Variants in C6orf118 observed in about 807,000 individuals in gnomAD.
C6orf118 encodes the protein uncharacterized protein C6orf118.
A neutral mutation model predicts 50.2 loss-of-function variants in C6orf118; 50 were observed. The ratio of observed to expected loss-of-function variants is 1.00; its 90% CI spans 0.79 to 1.26. C6orf118 has a LOEUF of 1.26. C6orf118 is among the 50% of genes most tolerant of loss of function. C6orf118 has a pLI of 0.00. For synonymous variants in C6orf118, 239 were observed against 230.9 expected (o/e 1.03, Z -0.32); for missense variants, 641 against 578.7 (o/e 1.11, Z -1.10).
chr6:165,292,948 T>A (rs1483846565), intron 6 of C6orf118, among the ~76,000 whole-genome samples: 1 of 152,152 alleles, frequency 6.6e-6, no homozygotes, highest in Non-Finnish European at 1.5e-5. Flanking sequence ...AGAAAAAGTA[T>A]CTAAAAACAG....
At chr6:165,299,913 A>G (rs972640527) in intron 3 of C6orf118, among the ~76,000 whole-genome samples, 5 of 152,102 alleles carry the variant, frequency 3.3e-5, no homozygotes, top group Admixed American at 6.6e-5. Context: ...TGAACTCCTG[A>G]CCTAAAGTGA....
chr6:165,302,498 G>T (rs1490976113), intron 1 of C6orf118, among the ~76,000 whole-genome samples: 1 of 152,076 alleles, frequency 6.6e-6, no homozygotes, highest in Non-Finnish European at 1.5e-5. Context: ...AGGCGCCCAG[G>T]CCCCCAGGAT....
chr6:165,301,954 G>T lies in C6orf118; in HGVS notation c.368C>A (p.Ala123Asp), dbSNP rs145866024. The T allele has an allele frequency of 1.2e-6, 2 of 1,613,692 alleles. No homozygotes were observed. ...TIHTALVPSE[A>D]QDTPLFRYLN... The stretch of plus-strand genomic sequence containing the variant: ...GTACCTGAACAGCGGGGTGTCCTGG[G>T]CCTCACTGGGGACCAGGGCCGTGTG... Residue 123 changes from alanine (A) to aspartate (D), a missense_variant, in exon 2 of 9, where the codon GCC (alanine) becomes GAC (aspartate). Transcript: ENST00000230301.
At chr6:165,283,418 G>A (rs1779798258) in intron 7 of C6orf118, among the ~76,000 whole-genome samples, 1 of 152,214 alleles carries the variant, frequency 6.6e-6, no homozygotes, top group Admixed American at 6.5e-5. Flanking sequence ...TGCTGGCTCT[G>A]AAGAGTCTAG....
Position 165,302,074 on chromosome 6 carries a change from G to C in C6orf118, c.248C>G (p.Ala83Gly). 2 of 1,613,896 alleles carry C rather than the reference G, an allele frequency of 1.2e-6. No individual in the cohort carries two copies. Among genetic ancestry groups the C allele is most frequent in the South Asian group, 2.2e-5 (2 of 91,070 alleles). The change falls in exon 2 of 9, where the codon GCC (alanine) becomes GGC (glycine). Residue 83 changes from alanine to glycine, a missense_variant. Coordinates refer to ENST00000230301, the MANE Select transcript of C6orf118 (RefSeq NM_144980.4). ...GGCGCGCTCCCCCTTGGGCCGGTGG[G>C]CATTGGGCCAGTGCTGTAAGATCGT... ...PETILQHWPN[A>G]HRPKGERASE...
rs1384517644 is a variant in C6orf118 at position 165,302,410 on chromosome 6, C to G, written c.26-114G>C. The stretch of plus-strand genomic sequence containing the variant: ...GACCAAAAGAGGGTCTATGGAGAAA[C>G]AGACGAACAGAGTACATGGCCCAGC... On this transcript the variant is annotated intron_variant, in intron 1 of 8. Transcript: ENST00000230301. The G allele has an allele frequency of 2.3e-5, 30 of 1,291,978 alleles. No homozygotes were observed. In the South Asian group the frequency reaches 3.4e-4, roughly 15 times the overall value. The allele number at this position is 1,291,978 out of a possible 1,614,324, so 80.0% of individuals were successfully genotyped here. A position where few individuals can be genotyped will look rare whatever the true frequency, so the allele number is the denominator to read the frequency against.
chr6:165,302,003 C>A lies in C6orf118; in HGVS notation c.319G>T (p.Glu107Ter). 6.2e-7 allele frequency: 1 copy of A among 1,613,602 alleles called. No individual in the cohort carries two copies. The highest frequency in any genetic ancestry group is 2.2e-5 in the East Asian group (1 of 44,834). ...TGGATGGTGAAGTGGGCCAGGGCCT[C>A]CTTCATCCTCGCCACCTTCCCTGCG... ...PPAGKVARMK[E>*]ALAHFTIHTA... is the part of the protein sequence containing the mutation. Residue 107 changes from glutamate to a stop codon, truncating the protein, a stop_gained, in exon 2 of 9, where the codon GAG (glutamate) becomes TAG (stop). Transcript: ENST00000230301. LOFTEE classifies it high-confidence loss of function.
chr6:165,306,925 C>CTG (rs945381904), intron 1 of C6orf118, among the ~76,000 whole-genome samples: 2 of 139,784 alleles, frequency 1.4e-5, no homozygotes, highest in African/African-American at 5.5e-5. Context: ...TTGTGTGTGT[C>CTG]TGTGTGTGTG....
At chr6:165,294,608 A>T (rs1780227816) in intron 5 of C6orf118, among the ~76,000 whole-genome samples, 2 of 152,192 alleles carry the variant, frequency 1.3e-5, no homozygotes, top group African/African-American at 4.8e-5. Context: ...AACTGGAGCC[A>T]GGTGTGGTGA....
intron 4 of C6orf118, among the ~76,000 whole-genome samples, chr6:165,298,651 C>T (rs1780401871): frequency 6.6e-6 from 1 of 152,142 alleles, no homozygotes; most frequent in South Asian, 2.1e-4. Flanking sequence ...CCACTTATGA[C>T]TCAATCTCAA....
At chr6:165,285,245 A>C (rs1004371143) in intron 7 of C6orf118, among the ~76,000 whole-genome samples, 4 of 152,216 alleles carry the variant, frequency 2.6e-5, no homozygotes, top group South Asian at 2.1e-4. Context: ...TAAAGGGTTC[A>C]ATTGAACAAG....
intron 7 of C6orf118, among the ~76,000 whole-genome samples, chr6:165,289,074 T>C (rs79573227): frequency 0.053 from 8,050 of 151,930 alleles, 702 homozygotes; most frequent in African/African-American, 0.18. Context: ...TTCCTCTATA[T>C]TTAAATAATT....
chr6:165,288,257 C>T (rs1779982320), intron 7 of C6orf118, among the ~76,000 whole-genome samples: 1 of 152,052 alleles, frequency 6.6e-6, no homozygotes. Flanking sequence ...GTCAGAATGG[C>T]AATTGTTAAA....
At position 165,297,417 on chromosome 6, in the gene C6orf118, A is replaced by G. The variant is rs370863679; in HGVS notation, c.1061+560T>C. 3.5e-3 allele frequency among the ~76,000 whole-genome samples: 526 copies of G among 151,828 alleles called. 4 individuals are homozygous for G. Among genetic ancestry groups the G allele is most frequent in the South Asian group, 0.023 (110 of 4,796 alleles). ...AGTCTCCATTAAAAAAAAAAAAAAA[A>G]AAGAAGAACAAATTGGAACAACAAA... On this transcript the variant is annotated intron_variant, in intron 5 of 8. Coordinates refer to ENST00000230301, the MANE Select transcript of C6orf118 (RefSeq NM_144980.4).
rs1161840778 is a variant in C6orf118 at position 165,279,792 on chromosome 6, A to G, written c.*265T>C. On this transcript the variant is annotated 3_prime_UTR_variant, in exon 9 of 9. Transcript: ENST00000230301. ...TAGCAAATAATCAAAAGTATTTTCCAAAGTTGAACATTATTAAATGAAAGT... is the reference window on the plus strand; with the variant it reads ...TAGCAAATAATCAAAAGTATTTTCCGAAGTTGAACATTATTAAATGAAAGT... 6 of 342,508 alleles carry G rather than the reference A, an allele frequency of 1.8e-5. No individual in the cohort carries two copies. The highest frequency in any genetic ancestry group is 8.5e-5 in the African/African-American group (4 of 47,252). 21.2% of individuals were successfully genotyped at this position (342,508 alleles called of 1,614,324 possible). A position where few individuals can be genotyped will look rare whatever the true frequency, so the allele number is the denominator to read the frequency against.
intron 7 of C6orf118, among the ~76,000 whole-genome samples, chr6:165,285,585 C>T (rs1779875642): frequency 6.6e-6 from 1 of 151,686 alleles, no homozygotes; most frequent in Non-Finnish European, 1.5e-5. Context: ...AACAGTCTCC[C>T]AGACCACATG....
rs1418006622 is a variant in C6orf118 at position 165,302,278 on chromosome 6, T to C, written c.44A>G (p.His15Arg). The change falls in exon 2 of 9, where the codon CAC becomes CGC. Residue 15 changes from histidine to arginine, a missense_variant. By Grantham distance (29) the His-to-Arg change is conservative. Transcript: ENST00000230301. ...REPELYLKWK[H>R]CETPGVKTLC... ...GGTCTTCACGCCTGGCGTCTCGCAG[T>C]GCTTCCACTTCAGGTACACTGGTCA... 6.2e-7 allele frequency: 1 copy of C among 1,613,444 alleles called. No individual in the cohort carries two copies. The highest frequency in any genetic ancestry group is 8.5e-7 in the Non-Finnish European group (1 of 1,179,960).
intron 1 of C6orf118, among the ~76,000 whole-genome samples, chr6:165,303,234 G>A (rs1336276179): frequency 6.6e-6 from 1 of 152,164 alleles, no homozygotes; most frequent in Admixed American, 6.5e-5. Flanking sequence ...AGGGATGCTA[G>A]AGAATCGCCG....
chr6:165,283,908 A>C (rs1255243382), intron 7 of C6orf118, among the ~76,000 whole-genome samples: 1 of 152,222 alleles, frequency 6.6e-6, no homozygotes, highest in Non-Finnish European at 1.5e-5. Flanking sequence ...AAAAAACCAG[A>C]GTGCCTCTTC....
Sources: gnomAD v4.1 joint callset for allele counts (sites outside exome capture counted in the v4.1 genomes callset) on GRCh38, gnomAD v4.1.1 for gene constraint, MANE v1.5 for transcripts, NCBI Gene and HGNC (gene_info 2026-07-23, HGNC 2026-07-21) for gene names.